Variants in PTPN3 observed in about 807,000 individuals in gnomAD.
The protein encoded by PTPN3 is protein tyrosine phosphatase non-receptor type 3, also known as tyrosine-protein phosphatase non-receptor type 3.
Under a neutral mutation model 132.7 loss-of-function variants are expected in PTPN3, and 96 were observed. The ratio of observed to expected loss-of-function variants is 0.72; its 90% CI spans 0.61 to 0.86. The LOEUF is 0.86. Ranked by LOEUF, PTPN3 falls within the 40% of genes least tolerant of loss-of-function variation. The pLI, the probability that PTPN3 is intolerant of heterozygous loss-of-function variation, is 0.00. For missense variants in PTPN3, 1,125 were observed against 1,159.6 expected, an observed-to-expected ratio of 0.97 and a Z score of 0.43; for synonymous variants, 398 against 429.0, an observed-to-expected ratio of 0.93 and a Z score of 0.89.
At chr9:109,391,439 G>A (rs144611920) in intron 20 of PTPN3, 32 bp downstream of exon 20, 5 of 1,566,390 alleles carry the variant, frequency 3.2e-6, no homozygotes, top group African/African-American at 1.4e-5. Flanking sequence ...CTCAGTGTAG[G>A]GGGGAAGGAG....
chr9:109,495,375 G>A (rs1429229316), intron 1 of PTPN3, among the ~76,000 whole-genome samples: 1 of 152,200 alleles, frequency 6.6e-6, no homozygotes, highest in Non-Finnish European at 1.5e-5. Context: ...AAACCCGGAG[G>A]GTTGGGGAAA....
chr9:109,523,173 G>C, the PTPN3 span, among the ~76,000 whole-genome samples: 1 of 150,842 alleles, frequency 6.6e-6, no homozygotes, highest in Non-Finnish European at 1.5e-5. Flanking sequence ...CTGGTGTGCA[G>C]TGGTGCGATC....
the PTPN3 span, among the ~76,000 whole-genome samples, chr9:109,519,749 GCCAGGAA>G: frequency 0.42 from 63,196 of 151,668 alleles, 13,731 homozygotes; most frequent in East Asian, 0.62. Context: ...AGTGCTCCTT[GCCAGGAA>G]CTGTTAAGAG....
the PTPN3 span, among the ~76,000 whole-genome samples, chr9:109,515,305 A>G: frequency 1.6e-4 from 24 of 152,190 alleles, no homozygotes; most frequent in Admixed American, 9.2e-4. Flanking sequence ...GATTATAGAT[A>G]TGAGCCACCA....
chr9:109,531,395 C>G, the PTPN3 span, among the ~76,000 whole-genome samples: 1 of 152,096 alleles, frequency 6.6e-6, no homozygotes, highest in Non-Finnish European at 1.5e-5. Flanking sequence ...TCTGGATGGC[C>G]TTGATCTTAT....
rs1409682971 is a variant in PTPN3, at chr9:109,438,099, C to T, written c.587+15G>A. 1.1e-5 allele frequency: 18 copies of T among 1,609,544 alleles called. No individual in the cohort carries two copies. Among genetic ancestry groups the T allele is most frequent in the Non-Finnish European group, 1.5e-5 (18 of 1,178,296 alleles). Reference sequence around the variant, plus strand: ...AACCCAAGTCCCCAAAGTAGGCCACCCCAGCCCCCCTCACCTGTGCTGCTC... The same window carrying T: ...AACCCAAGTCCCCAAAGTAGGCCACTCCAGCCCCCCTCACCTGTGCTGCTC... On this transcript the variant is annotated intron_variant, in intron 8 of 25. Coordinates refer to ENST00000374541, the MANE Select transcript of PTPN3 (RefSeq NM_002829.4).
At chr9:109,451,922 C>T (rs973800973) in intron 5 of PTPN3, among the ~76,000 whole-genome samples, 5 of 152,156 alleles carry the variant, frequency 3.3e-5, no homozygotes, top group Admixed American at 1.3e-4. Context: ...GGGTTGGAAC[C>T]TCCCAGTTGG....
chr9:109,404,532 A>G lies in PTPN3; in HGVS notation c.1869T>C (p.Cys623=). 1 of 1,570,534 alleles carries G rather than the reference A, an allele frequency of 6.4e-7. No homozygotes were observed. Among genetic ancestry groups the G allele is most frequent in the Non-Finnish European group, 8.7e-7 (1 of 1,151,990 alleles). Residue 623 remains cysteine (C), a synonymous_variant, in exon 19 of 26, where the codon TGT becomes TGC. Coordinates refer to ENST00000374541, the MANE Select transcript of PTPN3 (RefSeq NM_002829.4). ...CCTCCAAAGTGTCCCCACCCTCCGG[A>G]CACATGGGGAAAATGGCTTCGGGGA... is the stretch of plus-strand genomic sequence containing the variant. ...QLFPEAIFPM[C]PEGGDTLEGS...
At chr9:109,406,662 A>G (rs780249084) in intron 17 of PTPN3, 44 bp from the exon 18 acceptor site, 3 of 1,603,278 alleles carry the variant, frequency 1.9e-6, no homozygotes, top group South Asian at 2.2e-5. Flanking sequence ...ACCATAACAC[A>G]GTCCTTGGGG....
At chr9:109,522,899 A>G in the PTPN3 span, among the ~76,000 whole-genome samples, 3 of 152,184 alleles carry the variant, frequency 2.0e-5, no homozygotes, top group East Asian at 5.8e-4. Flanking sequence ...TTGGGGTACA[A>G]TAGTGATGAA....
Position 109,391,470 on chromosome 9 carries a change from C to A in PTPN3, c.2044+1G>T. 6.2e-7 allele frequency: 1 copy of A among 1,610,162 alleles called. No homozygotes were observed. On this transcript the variant is annotated splice_donor_variant, in intron 20 of 25. Coordinates refer to ENST00000374541, the MANE Select transcript of PTPN3 (RefSeq NM_002829.4). LOFTEE classifies it high-confidence loss of function. The stretch of plus-strand genomic sequence containing the variant: ...AGGAGGCATTCATGCCGGATACTCA[C>A]AAGGCAGCACATCTTTATATCGGTT...
At chr9:109,406,715 G>A in intron 17 of PTPN3, 97 bp from the exon 18 acceptor site, 4 of 1,490,206 alleles carry the variant, frequency 2.7e-6, no homozygotes, top group Non-Finnish European at 3.7e-6. Context: ...CTGGGACCAT[G>A]ATCAAGTTTG....
rs150709588 is a variant in PTPN3, at chr9:109,457,214, C to T, written c.248G>A (p.Arg83Lys). ...QHDDDSVDSPRWLEASKAIRK... is the reference protein window; with the variant it reads ...QHDDDSVDSPKWLEASKAIRK... The stretch of plus-strand genomic sequence containing the variant: ...GATGGCTTTGCTTGCTTCCAGCCAT[C>T]TCTGTTGGACAAGAAAACATAAAAT... The change falls in exon 4 of 26, where the codon AGA becomes AAA. Residue 83 changes from arginine to lysine, a missense_variant and splice_region_variant. Arg to Lys is a conservative substitution (Grantham distance 26). Transcript: ENST00000374541. 1.5e-4 allele frequency: 246 copies of T among 1,613,884 alleles called. No homozygotes were observed. The African/African-American group carries it at 2.9e-3, about 19-fold the overall frequency.
At chr9:109,386,788 C>T (rs1001834725) in intron 22 of PTPN3, among the ~76,000 whole-genome samples, 1 of 152,112 alleles carries the variant, frequency 6.6e-6, no homozygotes, top group South Asian at 2.1e-4. Flanking sequence ...AGGGTTTGAG[C>T]AGGGAAATGA....
At chr9:109,445,057 C>T (rs1844756349) in intron 7 of PTPN3, among the ~76,000 whole-genome samples, 183 bp downstream of exon 7, 1 of 152,222 alleles carries the variant, frequency 6.6e-6, no homozygotes, top group Non-Finnish European at 1.5e-5. Context: ...CTTAATCTAA[C>T]ATCCCCATGC....
chr9:109,493,796 G>T (rs542373629), intron 1 of PTPN3, among the ~76,000 whole-genome samples: 1 of 152,204 alleles, frequency 6.6e-6, no homozygotes, highest in African/African-American at 2.4e-5. Context: ...AAGGCAGCCA[G>T]GGGGAGGCCG....
chr9:109,391,438 G>C, intron 20 of PTPN3, 33 bp downstream of exon 20: 1 of 1,563,856 alleles, frequency 6.4e-7, no homozygotes. Flanking sequence ...TCTCAGTGTA[G>C]GGGGGAAGGA....
intron 1 of PTPN3, among the ~76,000 whole-genome samples, chr9:109,492,368 TC>T (rs1172684015): frequency 2.0e-5 from 3 of 152,162 alleles, no homozygotes; most frequent in South Asian, 2.1e-4. Context: ...TCCTGGATGC[TC>T]CCTCTTGGAA....
At chr9:109,498,841 T>A (rs957157730), upstream of PTPN3, among the ~76,000 whole-genome samples, 2 of 152,160 alleles carry the variant, frequency 1.3e-5, no homozygotes, top group East Asian at 3.9e-4. The surrounding 1 kb of genome is among the most constrained non-coding windows in gnomAD (Gnocchi z 4.2). Flanking sequence ...CACTCGAACT[T>A]CACTAACCTC....
Sources: gnomAD v4.1 joint callset for allele counts (sites outside exome capture counted in the v4.1 genomes callset) on GRCh38, gnomAD v4.1.1 for gene constraint, Gnocchi (gnomAD v3.1) non-coding constraint, MANE v1.5 for transcripts, NCBI Gene and HGNC (gene_info 2026-07-23, HGNC 2026-07-21) for gene names.